MID1: variants seen among roughly 807,000 people sequenced by gnomAD.
The protein encoded by MID1 is E3 ubiquitin-protein ligase Midline-1.
Under a neutral mutation model 40.4 loss-of-function variants are expected in MID1, and 7 were observed. That is an observed-to-expected ratio of 0.17 (90% CI 0.10 to 0.33). The LOEUF is 0.33. Ranked by LOEUF, MID1 falls within the 10% of genes least tolerant of loss-of-function variation. The pLI, the probability that MID1 is intolerant of heterozygous loss-of-function variation, is 1.00. For synonymous variants in MID1, 229 were observed against 221.2 expected, an observed-to-expected ratio of 1.04 and a Z score of -0.31; for missense variants, 367 against 558.5, an observed-to-expected ratio of 0.66 and a Z score of 3.46.
intron 1 of MID1, among the ~76,000 whole-genome samples, chrX:10,664,302 C>G (rs1234864796): frequency 9.0e-6 from 1 of 111,474 alleles, no homozygotes; most frequent in African/African-American, 3.3e-5. Context: ...GCTAGGATTA[C>G]AGTCATGTAC....
chrX:10,473,945 A>G (rs1403995174), intron 6 of MID1, among the ~76,000 whole-genome samples: 2 of 112,188 alleles, frequency 1.8e-5, no homozygotes, highest in Non-Finnish European at 3.8e-5. Flanking sequence ...AGGGAGAAAC[A>G]AAACAAAACA....
chrX:10,523,230 A>G, intron 2 of MID1, 43 bp from the exon 3 acceptor site: 1 of 918,720 alleles, frequency 1.1e-6, no homozygotes, highest in Non-Finnish European at 1.6e-6. Flanking sequence ...ATTATTCTGC[A>G]TACTTTTATA....
chrX:10,540,981 C>T (rs767485584), intron 2 of MID1, among the ~76,000 whole-genome samples: 2 of 112,186 alleles, frequency 1.8e-5, no homozygotes, highest in Non-Finnish European at 3.8e-5. Flanking sequence ...GTGCAGAGTG[C>T]TCTCAAATTT....
At chrX:10,574,020 G>A (rs1269477310) in intron 1 of MID1, among the ~76,000 whole-genome samples, 1 of 111,505 alleles carries the variant, frequency 9.0e-6, no homozygotes, top group Non-Finnish European at 1.9e-5. Flanking sequence ...CCCTCTTTGG[G>A]GGAGGCACAA....
At chrX:10,481,083 T>C (rs971922959) in intron 5 of MID1, among the ~76,000 whole-genome samples, 6 of 112,299 alleles carry the variant, frequency 5.3e-5, no homozygotes, top group Non-Finnish European at 1.1e-4. Context: ...GTAATGGTTT[T>C]ATTGGCACAC....
intron 1 of MID1, among the ~76,000 whole-genome samples, chrX:10,797,975 A>G (rs2043978597): frequency 8.9e-6 from 1 of 112,074 alleles, no homozygotes; most frequent in Admixed American, 9.4e-5. Flanking sequence ...TGGCTTTGAA[A>G]GTGACTTCAA....
chrX:10,555,389 C>T (rs1451314699), intron 2 of MID1, among the ~76,000 whole-genome samples: 4 of 111,848 alleles, frequency 3.6e-5, no homozygotes. Flanking sequence ...CAGATATCAA[C>T]ACCGAAGTCA....
intron 1 of MID1, among the ~76,000 whole-genome samples, chrX:10,590,871 G>GT (rs1181662628): frequency 1.3e-4 from 15 of 111,908 alleles, no homozygotes; most frequent in African/African-American, 4.2e-4. Flanking sequence ...TGACTTAAGA[G>GT]TTTTTTGTTG....
chrX:10,700,822 T>C (rs777092054), intron 1 of MID1, among the ~76,000 whole-genome samples: 19 of 111,999 alleles, frequency 1.7e-4, no homozygotes, highest in South Asian at 3.7e-4. Flanking sequence ...ACATGTGCAA[T>C]AATAATGTTC....
chrX:10,557,354 G>A lies in MID1; in HGVS notation c.660+9534C>T, dbSNP rs5979322. Among the ~76,000 whole-genome samples the A allele has an allele frequency of 6.7e-3, 748 of 111,920 alleles. 7 individuals carry two copies. Among genetic ancestry groups the A allele is most frequent in the African/African-American group, 0.023 (706 of 30,816 alleles). ...GCCAAGCAGGCGTTTAAAAATTACC[G>A]TAAAATCATTGTGTTTACTCCTGAA... On this transcript the variant is annotated intron_variant, in intron 2 of 9. Coordinates refer to ENST00000317552, the MANE Select transcript of MID1 (RefSeq NM_000381.4).
chrX:10,686,626 T>G (rs2147073545), intron 1 of MID1, among the ~76,000 whole-genome samples: 1 of 112,227 alleles, frequency 8.9e-6, no homozygotes, highest in South Asian at 3.7e-4. Context: ...TGTTGCAGAT[T>G]GAGGTCTCCA....
At chrX:10,625,851 C>G (rs1012061025) in intron 1 of MID1, among the ~76,000 whole-genome samples, 3 of 111,116 alleles carry the variant, frequency 2.7e-5, no homozygotes, top group African/African-American at 9.8e-5. Context: ...TCAATGGGAC[C>G]CAGAAAATAG....
At chrX:10,735,701 T>G (rs1034732643) in intron 1 of MID1, among the ~76,000 whole-genome samples, 2 of 111,562 alleles carry the variant, frequency 1.8e-5, no homozygotes, top group African/African-American at 3.3e-5. Context: ...ATTTATTTAT[T>G]TATTTTGAGA....
chrX:10,485,079 T>C (rs949456350), intron 4 of MID1, among the ~76,000 whole-genome samples: 1 of 112,509 alleles, frequency 8.9e-6, no homozygotes. Flanking sequence ...TAAATAAAGC[T>C]TTATTGGCAT....
At chrX:10,805,043 G>GTTT (rs199602375) in intron 1 of MID1, among the ~76,000 whole-genome samples, 2 of 108,909 alleles carry the variant, frequency 1.8e-5, no homozygotes, top group Non-Finnish European at 3.8e-5. Flanking sequence ...GCTCCCAGTA[G>GTTT]TTTTTTTTTG....
chrX:10,780,275 T>G (rs756975975), intron 1 of MID1, among the ~76,000 whole-genome samples: 6 of 111,842 alleles, frequency 5.4e-5, no homozygotes, highest in Non-Finnish European at 1.1e-4. Flanking sequence ...CAGAGAGCCC[T>G]TCTTTATTCA....
At chrX:10,798,954 T>C (rs1435972778) in intron 1 of MID1, among the ~76,000 whole-genome samples, 1 of 111,809 alleles carries the variant, frequency 8.9e-6, no homozygotes, top group East Asian at 2.8e-4. Context: ...ACCATGATGG[T>C]ATTTGTGGGT....
chrX:10,489,947 G>A (rs938833526), intron 4 of MID1, among the ~76,000 whole-genome samples: 1 of 111,071 alleles, frequency 9.0e-6, no homozygotes, highest in Non-Finnish European at 1.9e-5. Flanking sequence ...CGCCCGCCTC[G>A]GCTTCCCAAA....
chrX:10,663,026 C>A (rs1423271124), intron 1 of MID1, among the ~76,000 whole-genome samples: 2 of 111,833 alleles, frequency 1.8e-5, no homozygotes, highest in Non-Finnish European at 3.8e-5. Context: ...TTAGTTAATT[C>A]TTTTTAAACT....
Sources: gnomAD v4.1 joint callset for allele counts (sites outside exome capture counted in the v4.1 genomes callset) on GRCh38, gnomAD v4.1.1 for gene constraint, MANE v1.5 for transcripts, NCBI Gene and HGNC (gene_info 2026-07-23, HGNC 2026-07-21) for gene names.